Variants in STAU2 observed in about 807,000 individuals in gnomAD.
STAU2 encodes the protein double-stranded RNA-binding protein Staufen homolog 2.
In STAU2, 20 loss-of-function variants were observed where a neutral mutation model predicts 65.9. That is an observed-to-expected ratio of 0.30 (90% CI 0.21 to 0.44). The LOEUF (loss-of-function observed/expected upper bound fraction) is 0.44, where lower values mean the gene tolerates loss of function less well. STAU2 is among the 20% of genes least tolerant of loss of function. The pLI is 1.00. For missense variants in STAU2, 558 were observed against 683.9 expected, an observed-to-expected ratio of 0.82 and a Z score of 2.05; for synonymous variants, 232 against 233.9, an observed-to-expected ratio of 0.99 and a Z score of 0.07.
At chr8:73,617,585 C>A in intron 6 of STAU2, 134 bp from the exon 7 acceptor site, 1 of 828,032 alleles carries the variant, frequency 1.2e-6, no homozygotes, top group Non-Finnish European at 1.8e-6. Context: ...CAAAAACATA[C>A]TTTTTTGATA....
chr8:73,611,749 G>C (rs943441062), intron 9 of STAU2, among the ~76,000 whole-genome samples: 2 of 151,406 alleles, frequency 1.3e-5, no homozygotes, highest in African/African-American at 4.9e-5. Context: ...AGTGATCTTG[G>C]CTCACCTCAA....
At chr8:73,524,844 A>G (rs1823259263) in intron 13 of STAU2, among the ~76,000 whole-genome samples, 1 of 152,192 alleles carries the variant, frequency 6.6e-6, no homozygotes, top group Non-Finnish European at 1.5e-5. Flanking sequence ...TGGGTGAAAA[A>G]GCATTTAGTG....
intron 13 of STAU2, among the ~76,000 whole-genome samples, chr8:73,482,367 G>C (rs962340531): frequency 6.6e-6 from 1 of 151,874 alleles, no homozygotes; most frequent in Non-Finnish European, 1.5e-5. Flanking sequence ...CTTTTTTTTA[G>C]TTGAAAAATT....
chr8:73,626,486 T>C (rs886714226), intron 6 of STAU2, among the ~76,000 whole-genome samples: 12 of 152,170 alleles, frequency 7.9e-5, no homozygotes, highest in Admixed American at 2.6e-4. Context: ...TCTGACATGA[T>C]TTAAAAGGAT....
intron 12 of STAU2, among the ~76,000 whole-genome samples, chr8:73,573,421 C>T (rs1034312130): frequency 6.6e-6 from 1 of 152,164 alleles, no homozygotes; most frequent in Non-Finnish European, 1.5e-5. Context: ...TCATATGGAA[C>T]CAAAAAAGAG....
chr8:73,630,757 G>A (rs1446668476), intron 6 of STAU2, among the ~76,000 whole-genome samples: 1 of 152,044 alleles, frequency 6.6e-6, no homozygotes, highest in Non-Finnish European at 1.5e-5. Context: ...CAAGATACAT[G>A]CTGTGTCAGA....
chr8:73,530,057 A>C (rs1805709632), intron 13 of STAU2, among the ~76,000 whole-genome samples: 1 of 152,120 alleles, frequency 6.6e-6, no homozygotes, highest in Admixed American at 6.5e-5. Flanking sequence ...GAGTATAGAT[A>C]TTATCATCTT....
intron 13 of STAU2, among the ~76,000 whole-genome samples, chr8:73,514,781 C>CT (rs924211972): frequency 2.6e-5 from 4 of 152,062 alleles, no homozygotes; most frequent in Non-Finnish European, 4.4e-5. Flanking sequence ...TTTTCTCCAA[C>CT]TTTTTTTTCC....
At chr8:73,457,901 G>C (rs191861790) in intron 13 of STAU2, among the ~76,000 whole-genome samples, 2 of 152,340 alleles carry the variant, frequency 1.3e-5, no homozygotes, top group East Asian at 3.9e-4. Flanking sequence ...GCTGGGTCTT[G>C]TGGAGGTGAA....
At chr8:73,553,759 A>AT (rs1307059185) in intron 12 of STAU2, among the ~76,000 whole-genome samples, 2 of 151,202 alleles carry the variant, frequency 1.3e-5, no homozygotes, top group Admixed American at 6.6e-5. Context: ...AGTTTATGGT[A>AT]TTTTTTAGCT....
In STAU2 at chr8:73,434,150, AG is replaced by A. The variant is rs1035023600; in HGVS notation, c.1531-11449del. ...GAGAGAAAGATGTGGCTAGGGACAAAGGGTCCAAGAAAGGCAATGTTGCTGG... is the reference window on the plus strand; with the variant it reads ...GAGAGAAAGATGTGGCTAGGGACAAAGGTCCAAGAAAGGCAATGTTGCTGG... On this transcript the variant is annotated intron_variant, in intron 13 of 14. Coordinates refer to ENST00000524300, the MANE Select transcript of STAU2 (RefSeq NM_001164380.2). Among the ~76,000 whole-genome samples, 70 of 151,672 alleles carry A rather than the reference AG, an allele frequency of 4.6e-4. 2 individuals are homozygous for A. Among genetic ancestry groups the A allele is most frequent in the African/African-American group, 1.7e-3 (68 of 41,052 alleles).
At chr8:73,627,819 TC>T (rs1190056307) in intron 6 of STAU2, among the ~76,000 whole-genome samples, 2 of 150,692 alleles carry the variant, frequency 1.3e-5, no homozygotes, top group Non-Finnish European at 3.0e-5. Context: ...TAGAATAAGA[TC>T]TACTGGATTT....
At chr8:73,651,478 C>G in intron 6 of STAU2, 5 of 689,958 alleles carry the variant, frequency 7.2e-6, no homozygotes, top group South Asian at 4.2e-5. Flanking sequence ...CCCAGCTGAA[C>G]AGCCTCTTCT....
At chr8:73,652,636 A>C (rs1815989525) in intron 6 of STAU2, 1 of 152,114 alleles carries the variant, frequency 6.6e-6, no homozygotes, top group African/African-American at 2.4e-5. Context: ...GCGGCAGGAG[A>C]ATCACTTGAA....
chr8:73,683,468 T>C (rs978539963), intron 5 of STAU2, among the ~76,000 whole-genome samples: 2 of 152,226 alleles, frequency 1.3e-5, no homozygotes. Flanking sequence ...CTTAAGGTAA[T>C]AAAAGCATCT....
intron 3 of STAU2, among the ~76,000 whole-genome samples, chr8:73,726,958 G>A (rs1007948845): frequency 4.6e-5 from 7 of 152,198 alleles, no homozygotes; most frequent in South Asian, 2.1e-4. Flanking sequence ...GGCTGGGCAC[G>A]GTGGCTCACT....
chr8:73,576,515 C>T (rs1055887352), intron 12 of STAU2, among the ~76,000 whole-genome samples: 3 of 151,918 alleles, frequency 2.0e-5, no homozygotes, highest in Admixed American at 2.0e-4. Flanking sequence ...GAGATAGTGG[C>T]TACTTCTGCT....
chr8:73,679,136 C>A (rs970375858), intron 5 of STAU2, among the ~76,000 whole-genome samples: 1 of 152,176 alleles, frequency 6.6e-6, no homozygotes, highest in African/African-American at 2.4e-5. Flanking sequence ...GGATATATGG[C>A]TGGTACTAAA....
At chr8:73,511,874 TTTTAAAG>T (rs1416448567) in intron 13 of STAU2, among the ~76,000 whole-genome samples, 1 of 152,192 alleles carries the variant, frequency 6.6e-6, no homozygotes, top group Non-Finnish European at 1.5e-5. Context: ...CTTTGAGAAG[TTTTAAAG>T]TTTTGGGTTT....
Sources: gnomAD v4.1 joint callset for allele counts (sites outside exome capture counted in the v4.1 genomes callset) on GRCh38, gnomAD v4.1.1 for gene constraint, MANE v1.5 for transcripts, NCBI Gene and HGNC (gene_info 2026-07-23, HGNC 2026-07-21) for gene names.